Variants in RPL3 observed in about 807,000 individuals in gnomAD.
RPL3 encodes large ribosomal subunit protein uL3.
RPL3 carries 3 observed loss-of-function variants against 46.0 expected under a neutral mutation model. The ratio of observed to expected loss-of-function variants is 0.07; its 90% CI spans 0.03 to 0.17. RPL3 has a LOEUF of 0.17. Ranked by LOEUF, RPL3 falls within the 10% of genes least tolerant of loss-of-function variation. The pLI is 1.00. For synonymous variants in RPL3, 224 were observed against 190.8 expected (o/e 1.17, Z -1.43); for missense variants, 387 against 532.7 (o/e 0.73, Z 2.69).
rs1166267277 is a variant in RPL3, at chr22:39,319,173, C to G, written c.3+422G>C. On this transcript the variant is annotated intron_variant, in intron 1 of 9. Transcript: ENST00000216146. ...CAGCGGCCCCAGATATTCAGGAGGACTCCACAACACTCCCCTCCCCCAAGC... is the reference window on the plus strand; with the variant it reads ...CAGCGGCCCCAGATATTCAGGAGGAGTCCACAACACTCCCCTCCCCCAAGC... 2.0e-5 allele frequency: 11 copies of G among 544,042 alleles called. No individual in the cohort carries two copies. In the East Asian group the frequency reaches 5.7e-4, roughly 28 times the overall value. 33.7% of individuals were successfully genotyped at this position (544,042 alleles called of 1,614,324 possible). A position where few individuals can be genotyped will look rare whatever the true frequency, so the allele number is the denominator to read the frequency against.
intron 2 of RPL3, chr22:39,318,059 G>A (rs961595157): frequency 1.1e-5 from 4 of 355,640 alleles, no homozygotes; most frequent in African/African-American, 2.1e-5. Flanking sequence ...CAAGCTTTCA[G>A]GTGAAAAAAA....
At chr22:39,314,261 A>G (rs2146511505) in intron 6 of RPL3, 53 bp from the exon 7 acceptor site, 1 of 1,491,066 alleles carries the variant, frequency 6.7e-7, no homozygotes, top group Non-Finnish European at 9.4e-7. Flanking sequence ...AATAACCCAG[A>G]CATGCCAGTG....
intron 3 of RPL3, 147 bp from the exon 4 acceptor site, chr22:39,316,988 C>G: frequency 8.3e-7 from 1 of 1,206,408 alleles, no homozygotes; most frequent in Non-Finnish European, 1.2e-6. Flanking sequence ...CAAGCGGAGC[C>G]TGGATGGAGC....
intron 5 of RPL3, chr22:39,315,148 G>T: frequency 1.2e-6 from 1 of 820,784 alleles, no homozygotes; most frequent in Non-Finnish European, 2.1e-6. Flanking sequence ...AGAGCAAAGG[G>T]TCCAGGAACG....
At chr22:39,314,455 CAAT>C (rs1267851875) in intron 6 of RPL3, 1 of 634,274 alleles carries the variant, frequency 1.6e-6, no homozygotes, top group African/African-American at 1.8e-5. Context: ...CATCAGGGAC[CAAT>C]AAGACTAGTA....
At chr22:39,314,339 C>G (rs1380028015) in intron 6 of RPL3, 131 bp from the exon 7 acceptor site, 1 of 797,928 alleles carries the variant, frequency 1.3e-6, no homozygotes, top group East Asian at 2.6e-5. Flanking sequence ...ATCCCAAGGT[C>G]AGAGCAAAAA....
intron 1 of RPL3, 162 bp from the exon 2 acceptor site, chr22:39,318,754 G>C (rs972245107): frequency 1.6e-6 from 1 of 632,832 alleles, no homozygotes; most frequent in Non-Finnish European, 2.7e-6. Context: ...GCTCGCACGT[G>C]TCAAGAATGC....
At position 39,316,835 on chromosome 22, in the gene RPL3, T is replaced by A. The variant is rs774179454; in HGVS notation, c.372A>T (p.Lys124Asn). ...ACTTGGTAAAGGCCTTCTTCTTAGATTTATGCCTTCAGGAGCAGAGCAGAG... is the reference window on the plus strand; with the variant it reads ...ACTTGGTAAAGGCCTTCTTCTTAGAATTATGCCTTCAGGAGCAGAGCAGAG... ...CKRRFYKNWH[K>N]SKKKAFTKYC... The change falls in exon 4 of 10, where the codon AAA (lysine) becomes AAT (asparagine). Residue 124 changes from lysine to asparagine, a missense_variant. By Grantham distance (94) the Lys-to-Asn change is moderately conservative. Coordinates refer to ENST00000216146, the MANE Select transcript of RPL3 (RefSeq NM_000967.4). 3.7e-6 allele frequency: 6 copies of A among 1,613,890 alleles called. No homozygotes were observed. Among genetic ancestry groups the A allele is most frequent in the Non-Finnish European group, 4.2e-6 (5 of 1,180,024 alleles).
At chr22:39,319,308 C>G (rs1922905085) in intron 1 of RPL3, 1 of 570,104 alleles carries the variant, frequency 1.8e-6, no homozygotes, top group Non-Finnish European at 3.2e-6. Context: ...TTGGTGAGGT[C>G]GAAACTTAGA....
Position 39,318,414 on chromosome 22 carries a change from T to C in RPL3, c.182A>G (p.Asp61Gly). Residue 61 changes from aspartate (D) to glycine (G), a missense_variant, in exon 2 of 10, where the codon GAC (aspartate) becomes GGC (glycine). Coordinates refer to ENST00000216146, the MANE Select transcript of RPL3 (RefSeq NM_000967.4). ...AGMTHIVREV[D>G]RPGSKVNKKE... is the part of the protein sequence containing the mutation. ...TCTGTACATACTGGATCCCGGCCTG[T>C]CGACTTCCCGCACGATGTGAGTCAT... The C allele has an allele frequency of 1.2e-6, 2 of 1,613,892 alleles. No individual in the cohort carries two copies. Among genetic ancestry groups the C allele is most frequent in the Non-Finnish European group, 1.7e-6 (2 of 1,179,912 alleles).
At position 39,314,218 on chromosome 22, in the gene RPL3, C is replaced by G. The variant is rs779515518; in HGVS notation, c.850-10G>C. ...GGCCAATCTTATAAATCTGAATGAACAAGAAGGGTGTAAGGCTGGGGCATT... is the reference window on the plus strand; with the variant it reads ...GGCCAATCTTATAAATCTGAATGAAGAAGAAGGGTGTAAGGCTGGGGCATT... On this transcript the variant is annotated splice_polypyrimidine_tract_variant and intron_variant, in intron 6 of 9. Coordinates refer to ENST00000216146, the MANE Select transcript of RPL3 (RefSeq NM_000967.4). The G allele has an allele frequency of 1.2e-6, 2 of 1,611,318 alleles. No homozygotes were observed. The highest frequency in any genetic ancestry group is 1.1e-5 in the South Asian group (1 of 91,026).
rs563044230 is a variant in RPL3, at chr22:39,319,606, C to G, written c.-9G>C. 2.6e-6 allele frequency: 4 copies of G among 1,545,546 alleles called. No homozygotes were observed. The highest frequency in any genetic ancestry group is 3.5e-6 in the Non-Finnish European group (4 of 1,140,240). On this transcript the variant is annotated 5_prime_UTR_variant, in exon 1 of 10. Coordinates refer to ENST00000216146, the MANE Select transcript of RPL3 (RefSeq NM_000967.4). ...ATTACAACACATACCATCACGCCAT[C>G]AAATCCCGCCGGTAGAGGCCGGTCG... is the stretch of plus-strand genomic sequence containing the variant.
chr22:39,315,299 A>G (rs751274824), intron 5 of RPL3, 70 bp downstream of exon 5: 1 of 1,601,292 alleles, frequency 6.2e-7, no homozygotes, highest in African/African-American at 1.3e-5. Flanking sequence ...AGCCTCATCA[A>G]CGAACAGCTG....
intron 2 of RPL3, 192 bp downstream of exon 2, chr22:39,318,208 C>T (rs1020998079): frequency 7.6e-5 from 46 of 606,206 alleles, no homozygotes; most frequent in Admixed American, 3.5e-4. Context: ...GCAAACAGTG[C>T]TGACCATCTG....
intron 2 of RPL3, 89 bp from the exon 3 acceptor site, chr22:39,317,718 C>A: frequency 2.0e-6 from 3 of 1,495,826 alleles, no homozygotes; most frequent in Non-Finnish European, 2.7e-6. Context: ...CCCATTTAGG[C>A]CGGAAGGGCA....
chr22:39,313,602 G>A, intron 8 of RPL3, 32 bp downstream of exon 8: 2 of 1,596,814 alleles, frequency 1.3e-6, no homozygotes, highest in Non-Finnish European at 1.7e-6. Flanking sequence ...CTCTACAAGA[G>A]CCCCCCCATG....
chr22:39,316,927 C>A, intron 3 of RPL3, 86 bp from the exon 4 acceptor site: 1 of 1,602,362 alleles, frequency 6.2e-7, no homozygotes. Flanking sequence ...CACACTGGCA[C>A]CGCGTGGGGA....
In RPL3 at chr22:39,314,769, C is replaced by T. The variant is rs1922572756; in HGVS notation, c.766G>A (p.Ala256Thr). 6.2e-7 allele frequency: 1 copy of T among 1,613,716 alleles called. No individual in the cohort carries two copies. The highest frequency in any genetic ancestry group is 2.2e-5 in the East Asian group (1 of 44,872). ...RGLRKVACIG[A>T]WHPARVAFSV... Reference sequence around the variant, plus strand: ...AAGGCTACACGAGCAGGATGCCATGCCCCAATACAGGCCACCTTGCGCAGG... The same window carrying T: ...AAGGCTACACGAGCAGGATGCCATGTCCCAATACAGGCCACCTTGCGCAGG... Residue 256 changes from alanine to threonine, a missense_variant, in exon 6 of 10, where the codon GCA becomes ACA. Ala to Thr is a moderately conservative substitution (Grantham distance 58, BLOSUM62 0). Coordinates refer to ENST00000216146, the MANE Select transcript of RPL3 (RefSeq NM_000967.4).
chr22:39,314,511 G>C, intron 6 of RPL3, 175 bp downstream of exon 6: 1 of 803,792 alleles, frequency 1.2e-6, no homozygotes, highest in Non-Finnish European at 1.9e-6. Context: ...CACTCTACAG[G>C]ATGGCACCTT....
Sources: gnomAD v4.1 joint callset for allele counts on GRCh38, gnomAD v4.1.1 for gene constraint, MANE v1.5 for transcripts, NCBI Gene and HGNC (gene_info 2026-07-23, HGNC 2026-07-21) for gene names.